The following PTPRD variants were observed in gnomAD, a reference collection of about 807,000 sequenced individuals.
PTPRD encodes receptor-type tyrosine-protein phosphatase delta.
Under a neutral mutation model 214.5 loss-of-function variants are expected in PTPRD, and 34 were observed. The ratio of observed to expected loss-of-function variants is 0.16; its 90% CI spans 0.12 to 0.21. PTPRD has a LOEUF of 0.21. PTPRD is among the 10% of genes least tolerant of loss of function. The pLI, the probability that PTPRD is intolerant of heterozygous loss-of-function variation, is 1.00. For synonymous variants in PTPRD, 1,128 were observed against 845.7 expected (o/e 1.33, Z -5.79); for missense variants, 2,545 against 2,398.7 (o/e 1.06, Z -1.27).
chr9:10,183,373 T>C (rs1284705848), intron 3 of PTPRD, among the ~76,000 whole-genome samples: 1 of 152,198 alleles, frequency 6.6e-6, no homozygotes, highest in Admixed American at 6.5e-5. Context: ...GATCAATTTA[T>C]ATTTATAATC....
intron 9 of PTPRD, among the ~76,000 whole-genome samples, chr9:9,227,376 C>G (rs970875168): frequency 1.3e-5 from 2 of 152,068 alleles, no homozygotes; most frequent in Non-Finnish European, 2.9e-5. Flanking sequence ...AACCTCAGCC[C>G]CTAGCCTGGA....
chr9:9,267,162 A>G (rs552443782), intron 9 of PTPRD, among the ~76,000 whole-genome samples: 20 of 151,422 alleles, frequency 1.3e-4, no homozygotes, highest in Admixed American at 9.2e-4. Context: ...AATATGTACA[A>G]TTATTATTTA....
chr9:9,571,875 T>C (rs1045103819), intron 8 of PTPRD, among the ~76,000 whole-genome samples: 1 of 151,152 alleles, frequency 6.6e-6, no homozygotes, highest in Non-Finnish European at 1.5e-5. Flanking sequence ...CTAATGCAAA[T>C]CTATTTATCT....
intron 10 of PTPRD, among the ~76,000 whole-genome samples, chr9:9,153,099 G>T (rs746108372): frequency 1.2e-4 from 18 of 152,090 alleles, no homozygotes; most frequent in Non-Finnish European, 1.5e-5. Context: ...GGTTAGGAGG[G>T]GCACTGACCC....
chr9:8,806,111 G>T (rs2096673573), intron 11 of PTPRD, among the ~76,000 whole-genome samples: 1 of 151,664 alleles, frequency 6.6e-6, no homozygotes, highest in South Asian at 2.1e-4. Context: ...TTTTAGTAGA[G>T]ACGGGGTTTC....
rs963724530 is a variant in PTPRD at position 10,140,365 on chromosome 9, G to GA, written c.-544-106576dup. On this transcript the variant is annotated intron_variant, in intron 3 of 45. Coordinates refer to ENST00000381196, the MANE Select transcript of PTPRD (RefSeq NM_002839.4). ...ATAGACCGCTAGCAAGACTAATAAA[G>GA]AAAAAAAGAGAGAAGAATCAAATAG... 4.1e-3 allele frequency among the ~76,000 whole-genome samples: 624 copies of GA among 151,146 alleles called. 3 individuals carry two copies. Among genetic ancestry groups the GA allele is most frequent in the African/African-American group, 0.014 (593 of 41,246 alleles).
At chr9:9,873,787 A>G (rs973657499) in intron 5 of PTPRD, among the ~76,000 whole-genome samples, 20 of 152,166 alleles carry the variant, frequency 1.3e-4, no homozygotes, top group Non-Finnish European at 2.4e-4. Context: ...GAGTATCCCC[A>G]TAGCAGCATA....
intron 37 of PTPRD, among the ~76,000 whole-genome samples, chr9:8,385,509 G>A (rs1316574613): frequency 6.6e-6 from 1 of 152,136 alleles, no homozygotes; most frequent in East Asian, 1.9e-4. Context: ...GTAAGACTCT[G>A]TCTCTAAAAG....
chr9:9,014,450 A>C (rs1228842853), intron 11 of PTPRD, among the ~76,000 whole-genome samples: 1 of 152,152 alleles, frequency 6.6e-6, no homozygotes, highest in East Asian at 1.9e-4. Context: ...TACTAAATTC[A>C]GTTTTATAAA....
chr9:9,252,052 G>A lies in PTPRD; in HGVS notation c.-202-68689C>T, dbSNP rs537829913. 3.3e-5 allele frequency among the ~76,000 whole-genome samples: 5 copies of A among 151,978 alleles called. No individual in the cohort carries two copies. In the East Asian group the frequency reaches 5.8e-4, roughly 18 times the overall value. On this transcript the variant is annotated intron_variant, in intron 9 of 45. Coordinates refer to ENST00000381196, the MANE Select transcript of PTPRD (RefSeq NM_002839.4). The stretch of plus-strand genomic sequence containing the variant: ...ATATCTCGGCAGCTACATTTGCCAC[G>A]GGATTTCTTTTTTTTTGCCCAGGAT...
intron 8 of PTPRD, among the ~76,000 whole-genome samples, chr9:9,563,162 A>C (rs1321686380): frequency 6.6e-6 from 1 of 152,172 alleles, no homozygotes; most frequent in African/African-American, 2.4e-5. Context: ...AAAGAGATTA[A>C]AAATAAAAGG....
intron 8 of PTPRD, among the ~76,000 whole-genome samples, chr9:9,431,177 A>G (rs1031025208): frequency 6.6e-5 from 10 of 152,214 alleles, no homozygotes; most frequent in Non-Finnish European, 1.2e-4. Flanking sequence ...TAATATCCAG[A>G]ATCTACAAAG....
chr9:9,517,272 T>C (rs977228514), intron 8 of PTPRD, among the ~76,000 whole-genome samples: 1 of 152,096 alleles, frequency 6.6e-6, no homozygotes, highest in Non-Finnish European at 1.5e-5. Context: ...CAATAAAATA[T>C]GATTAGCATA....
chr9:8,432,014 T>A (rs1006288053), intron 35 of PTPRD, among the ~76,000 whole-genome samples: 2 of 152,242 alleles, frequency 1.3e-5, no homozygotes, highest in Admixed American at 1.3e-4. Context: ...AAACGTGTTA[T>A]TGGTCTATTC....
intron 7 of PTPRD, among the ~76,000 whole-genome samples, chr9:9,719,655 G>T (rs575971808): frequency 6.6e-6 from 1 of 152,268 alleles, no homozygotes; most frequent in East Asian, 1.9e-4. Flanking sequence ...CCCCCTCACA[G>T]CTCGCTATGC....
chr9:9,197,716 TTCTTTTCTGCTGAGTTAA>T (rs2099939453), intron 9 of PTPRD, among the ~76,000 whole-genome samples: 1 of 152,206 alleles, frequency 6.6e-6, no homozygotes, highest in Non-Finnish European at 1.5e-5. Flanking sequence ...CGGCCTATTT[TTCTTTTCTGCTGAGTTAA>T]TCTTCCAGTC....
At chr9:8,530,909 A>G (rs1029479323) in intron 14 of PTPRD, among the ~76,000 whole-genome samples, 1 of 152,136 alleles carries the variant, frequency 6.6e-6, no homozygotes, top group Non-Finnish European at 1.5e-5. Flanking sequence ...GGCAGGATAG[A>G]AAGTTTCTAT....
chr9:9,358,250 T>C (rs1045292839), intron 9 of PTPRD, among the ~76,000 whole-genome samples: 1 of 151,300 alleles, frequency 6.6e-6, no homozygotes, highest in Non-Finnish European at 1.5e-5. Flanking sequence ...CTGTTGTCTA[T>C]TTAAAAATAT....
chr9:8,929,941 A>G (rs866452608), intron 11 of PTPRD, among the ~76,000 whole-genome samples: 39 of 128,594 alleles, frequency 3.0e-4, no homozygotes, highest in Non-Finnish European at 3.7e-4. Flanking sequence ...GTATATATAT[A>G]TGTGTGTGTG....
Sources: allele counts gnomAD v4.1 joint callset (sites outside exome capture counted in the v4.1 genomes callset), GRCh38; gene constraint gnomAD v4.1.1; transcripts MANE v1.5; gene names NCBI Gene and HGNC (gene_info 2026-07-23, HGNC 2026-07-21).